Variants in GNG7 observed in about 807,000 individuals in gnomAD.
The protein encoded by GNG7 is guanine nucleotide-binding protein G(I)/G(S)/G(O) subunit gamma-7.
In GNG7, 1 loss-of-function variant was observed where a neutral mutation model predicts 4.0. The observed-to-expected ratio is 0.25, with a 90% confidence interval of 0.09 to 1.18. The LOEUF is 1.18. Among genes scored for constraint, GNG7 ranks in the 50% most tolerant of loss-of-function variants. The pLI, the probability that GNG7 is intolerant of heterozygous loss-of-function variation, is 0.50. For missense variants in GNG7, 86 were observed against 91.9 expected (o/e 0.94, Z 0.26); for synonymous variants, 34 against 36.9 (o/e 0.92, Z 0.29).
At chr19:2,642,736 C>T (rs1486629279) in intron 2 of GNG7, 4 of 453,074 alleles carry the variant, frequency 8.8e-6, no homozygotes, top group Non-Finnish European at 1.8e-5. Context: ...TCAAGCCATC[C>T]TCCTGCCTTG....
intron 4 of GNG7, among the ~76,000 whole-genome samples, chr19:2,520,189 A>C (rs1568229779): frequency 6.7e-6 from 1 of 150,054 alleles, no homozygotes; most frequent in African/African-American, 2.5e-5. Flanking sequence ...TCAAACAAAC[A>C]AAACAAACAA....
chr19:2,529,408 G>C (rs1023227287), intron 3 of GNG7, among the ~76,000 whole-genome samples: 1 of 151,976 alleles, frequency 6.6e-6, no homozygotes, highest in African/African-American at 2.4e-5. Context: ...AGTGGAGACA[G>C]GGTTTTGCCA....
chr19:2,636,090 T>C (rs1464905958), intron 2 of GNG7, among the ~76,000 whole-genome samples: 3 of 152,132 alleles, frequency 2.0e-5, no homozygotes, highest in East Asian at 3.9e-4. Context: ...CCTGTGTTAT[T>C]TGGAAAAAAA....
At chr19:2,542,525 T>C (rs1411620106) in intron 3 of GNG7, among the ~76,000 whole-genome samples, 1 of 152,144 alleles carries the variant, frequency 6.6e-6, no homozygotes, top group Admixed American at 6.6e-5. Context: ...AGAACCTGAA[T>C]GAGCTGGGGA....
chr19:2,608,198 A>C (rs16991258), intron 2 of GNG7, among the ~76,000 whole-genome samples: 5 of 151,966 alleles, frequency 3.3e-5, no homozygotes, highest in African/African-American at 1.2e-4. Context: ...AGAACGATTC[A>C]CAGGTGGCGA....
chr19:2,656,532 G>A (rs56402909), intron 1 of GNG7, among the ~76,000 whole-genome samples: 24,500 of 151,996 alleles, frequency 0.16, 2,718 homozygotes, highest in East Asian at 0.49. Context: ...CCCAGGAGGC[G>A]GGGGTTGCAG....
chr19:2,622,553 G>A (rs548198913), intron 2 of GNG7, among the ~76,000 whole-genome samples: 1 of 151,154 alleles, frequency 6.6e-6, no homozygotes, highest in South Asian at 2.1e-4. Flanking sequence ...GGGGGCTTCC[G>A]GGAAGGGGAA....
intron 1 of GNG7, among the ~76,000 whole-genome samples, chr19:2,680,930 C>T (rs571464858): frequency 6.6e-6 from 1 of 152,060 alleles, no homozygotes; most frequent in South Asian, 2.1e-4. Flanking sequence ...GTCCTACCTC[C>T]CCGTGAGCCC....
chr19:2,652,900 T>A (rs995586207), intron 1 of GNG7, among the ~76,000 whole-genome samples: 7 of 151,406 alleles, frequency 4.6e-5, no homozygotes, highest in Non-Finnish European at 8.8e-5. Context: ...CTGGGCAACA[T>A]AGCAAGACCC....
intron 2 of GNG7, among the ~76,000 whole-genome samples, chr19:2,584,667 AGAAG>A (rs1241032062): frequency 9.9e-5 from 6 of 60,342 alleles, no homozygotes; most frequent in African/African-American, 6.7e-5. Context: ...AAGGAAGGAA[AGAAG>A]GAAGGAAGGA....
chr19:2,519,146 CTT>C (rs71178282), intron 4 of GNG7, among the ~76,000 whole-genome samples: 4 of 84,538 alleles, frequency 4.7e-5, no homozygotes, highest in African/African-American at 4.7e-5. Flanking sequence ...TTTCTTGTTT[CTT>C]TTTTTTTTTT....
intron 3 of GNG7, among the ~76,000 whole-genome samples, chr19:2,524,909 CGTGTGT>C (rs1271353389): frequency 1.3e-5 from 2 of 152,024 alleles, no homozygotes; most frequent in African/African-American, 4.8e-5. Context: ...CATGCGTGTG[CGTGTGT>C]GTGCGCACGG....
At chr19:2,564,564 ACT>A (rs1979844228) in intron 2 of GNG7, among the ~76,000 whole-genome samples, 2 of 152,142 alleles carry the variant, frequency 1.3e-5, no homozygotes, top group African/African-American at 4.8e-5. Flanking sequence ...ACAGAGCAAG[ACT>A]CTGTCTCAAA....
chr19:2,673,045 AG>A (rs1324733668), intron 1 of GNG7, among the ~76,000 whole-genome samples: 1 of 149,542 alleles, frequency 6.7e-6, no homozygotes, highest in Non-Finnish European at 1.5e-5. Flanking sequence ...TCACAAGGTC[AG>A]GAGATCGAGA....
intron 2 of GNG7, among the ~76,000 whole-genome samples, chr19:2,619,676 C>T (rs1372877167): frequency 1.3e-5 from 2 of 152,084 alleles, no homozygotes; most frequent in South Asian, 2.1e-4. Flanking sequence ...CAGAGGGCCA[C>T]GCAGTGTGTG....
At chr19:2,680,316 AT>A (rs539704078) in intron 1 of GNG7, among the ~76,000 whole-genome samples, 83 of 151,630 alleles carry the variant, frequency 5.5e-4, no homozygotes, top group African/African-American at 2.0e-3. Context: ...TGCCTGGCCA[AT>A]TTTAGTATTT....
rs543398217 is a variant in GNG7 at position 2,659,166 on chromosome 19, T to A, written c.-134-12886A>T. 5.3e-5 allele frequency among the ~76,000 whole-genome samples: 8 copies of A among 152,130 alleles called. No individual in the cohort carries two copies. In the South Asian group the frequency reaches 1.7e-3, roughly 31 times the overall value. ...TTGTATTTTTAGTAGAGACGAGGTT[T>A]CACCGGGTTAGCCAGGATGGTCTCA... On this transcript the variant is annotated intron_variant, in intron 1 of 4. Transcript: ENST00000382159.
intron 1 of GNG7, among the ~76,000 whole-genome samples, chr19:2,688,590 T>TC (rs1361486921): frequency 2.0e-5 from 3 of 151,886 alleles, no homozygotes; most frequent in African/African-American, 7.3e-5. Flanking sequence ...ACCCAGCCGG[T>TC]CCCCCTAAGA....
intron 3 of GNG7, among the ~76,000 whole-genome samples, chr19:2,549,390 C>G (rs891813505): frequency 1.3e-5 from 2 of 151,488 alleles, no homozygotes; most frequent in Admixed American, 6.6e-5. Flanking sequence ...CCCCTGGGTT[C>G]AAGCAATTCT....
Sources: allele counts gnomAD v4.1 joint callset (sites outside exome capture counted in the v4.1 genomes callset), GRCh38; gene constraint gnomAD v4.1.1; transcripts MANE v1.5; gene names NCBI Gene and HGNC (gene_info 2026-07-23, HGNC 2026-07-21).